VEGFA: variants seen among roughly 807,000 people sequenced by gnomAD.
VEGFA encodes vascular endothelial growth factor A, also known as vascular endothelial growth factor A, long form.
A neutral mutation model predicts 49.7 loss-of-function variants in VEGFA; 20 were observed. The observed-to-expected ratio is 0.40, with a 90% CI of 0.28 to 0.58. VEGFA has a LOEUF of 0.58. Among genes scored for constraint, VEGFA ranks in the 20% least tolerant of loss-of-function variants. The probability of loss-of-function intolerance (pLI) is 0.40; values close to 1 mark genes in which losing one functional copy is unlikely to be tolerated. For synonymous variants in VEGFA, 219 were observed against 223.4 expected (o/e 0.98, Z 0.18); for missense variants, 505 against 553.5 (o/e 0.91, Z 0.88).
Position 43,777,460 on chromosome 6 carries a change from C to T in VEGFA, c.659-9C>T. On this transcript the variant is annotated splice_polypyrimidine_tract_variant and intron_variant, in intron 2 of 7. Transcript: ENST00000672860. The surrounding 1 kb of genome is among the most constrained non-coding windows in gnomAD (Gnocchi z 4.3). Reference sequence around the variant, plus strand: ...CCACCGGGCTCATGTGTCATCGCCTCTCATGCAGTGGTGAAGTTCATGGAT... The same window carrying T: ...CCACCGGGCTCATGTGTCATCGCCTTTCATGCAGTGGTGAAGTTCATGGAT... 6.2e-7 allele frequency: 1 copy of T among 1,613,828 alleles called. No individual in the cohort carries two copies. The highest frequency in any genetic ancestry group is 1.1e-5 in the South Asian group (1 of 91,068).
At chr6:43,772,392 T>A (rs1036917737) in intron 1 of VEGFA, among the ~76,000 whole-genome samples, 2 of 152,214 alleles carry the variant, frequency 1.3e-5, no homozygotes, top group Admixed American at 6.5e-5. Context: ...AAGTCCCGAC[T>A]TGGTGACAGT....
intron 5 of VEGFA, chr6:43,779,691 A>G (rs766672447): frequency 2.1e-6 from 1 of 469,852 alleles, no homozygotes; most frequent in Non-Finnish European, 4.3e-6. Context: ...CTCTTCCCTC[A>G]GCTCCCAGCT....
Position 43,777,693 on chromosome 6 carries a change from G to T in VEGFA, c.855+28G>T. Reference sequence around the variant, plus strand: ...GGGCATCTTTGGGAAGTGGGGCAAGGGGGGGATAGGGAGGGGGGTAACACT... The same window carrying T: ...GGGCATCTTTGGGAAGTGGGGCAAGTGGGGGATAGGGAGGGGGGTAACACT... On this transcript the variant is annotated intron_variant, in intron 3 of 7. Coordinates refer to ENST00000672860, the MANE Select transcript of VEGFA (RefSeq NM_003376.6). The surrounding 1 kb of genome is among the most constrained non-coding windows in gnomAD (Gnocchi z 4.3). 3 of 1,394,450 alleles carry T rather than the reference G, an allele frequency of 2.2e-6. No individual in the cohort carries two copies. Among genetic ancestry groups the T allele is most frequent in the Middle Eastern group, 1.9e-4 (1 of 5,232 alleles). The allele number at this position is 1,394,450 out of a possible 1,614,324, so 86.4% of individuals were successfully genotyped here.
intron 5 of VEGFA, 43 bp from the exon 6 acceptor site, chr6:43,780,689 A>ACCCCCC: frequency 3.2e-6 from 4 of 1,239,006 alleles, no homozygotes; most frequent in African/African-American, 2.2e-5. Flanking sequence ...TACTCCCCCC[A>ACCCCCC]CCGCCCCCGC....
At chr6:43,774,786 C>G in intron 2 of VEGFA, 1 of 343,396 alleles carries the variant, frequency 2.9e-6, no homozygotes, top group South Asian at 3.3e-5. Context: ...TTTGTGGGAA[C>G]TGTGACCCTT....
At chr6:43,778,753 T>C (rs1766310198) in intron 4 of VEGFA, 136 bp from the exon 5 acceptor site, 1 of 1,087,066 alleles carries the variant, frequency 9.2e-7, no homozygotes, top group Non-Finnish European at 1.4e-6. Context: ...AAGTTATATA[T>C]GAAAAGATTA....
In VEGFA at chr6:43,777,434, C is replaced by A. The variant is rs568779287; in HGVS notation, c.659-35C>A. 3.7e-6 allele frequency: 6 copies of A among 1,612,174 alleles called. No homozygotes were observed. The highest frequency in any genetic ancestry group is 1.1e-5 in the South Asian group (1 of 90,966). ...GAGGGGCTAGCCATCTTTTGTGTCG[C>A]CCACCGGGCTCATGTGTCATCGCCT... On this transcript the variant is annotated intron_variant, in intron 2 of 7. Coordinates refer to ENST00000672860, the MANE Select transcript of VEGFA (RefSeq NM_003376.6). The surrounding 1 kb of genome is among the most constrained non-coding windows in gnomAD (Gnocchi z 4.3).
At chr6:43,782,513 G>T in intron 7 of VEGFA, 1 of 300,418 alleles carries the variant, frequency 3.3e-6, no homozygotes, top group Non-Finnish European at 6.5e-6. Flanking sequence ...CTCTCGCTGG[G>T]GCCTTGCCTC....
At chr6:43,780,672 C>T (rs1278705253) in intron 5 of VEGFA, 60 bp from the exon 6 acceptor site, 3 of 1,574,782 alleles carry the variant, frequency 1.9e-6, no homozygotes, top group African/African-American at 2.7e-5. Flanking sequence ...CACCTTACCA[C>T]TTCTTTTACT....
At chr6:43,784,003 G>A (rs751312051) in intron 7 of VEGFA, 22 of 185,274 alleles carry the variant, frequency 1.2e-4, no homozygotes, top group Admixed American at 3.2e-4. Flanking sequence ...CTACCCCCTC[G>A]GGAGCCTCCT....
rs902297785 is a variant in VEGFA, at chr6:43,771,448, C to A, written c.606+136C>A. Reference sequence around the variant, plus strand: ...GGCACCAGGCGTGCGGCGTCCCCCTCTGTCGTCTTAGGTGCAGGGGGAGGG... The same window carrying A: ...GGCACCAGGCGTGCGGCGTCCCCCTATGTCGTCTTAGGTGCAGGGGGAGGG... On this transcript the variant is annotated intron_variant, in intron 1 of 7. Coordinates refer to ENST00000672860, the MANE Select transcript of VEGFA (RefSeq NM_003376.6). 13 of 944,816 alleles carry A rather than the reference C, an allele frequency of 1.4e-5. No individual in the cohort carries two copies. In the African/African-American group the frequency reaches 2.1e-4, roughly 15 times the overall value. The allele number at this position is 944,816 out of a possible 1,614,324, so 58.5% of individuals were successfully genotyped here.
At chr6:43,780,826 C>T (rs1486260471) in intron 6 of VEGFA, 23 bp downstream of exon 6, 2 of 1,613,946 alleles carry the variant, frequency 1.2e-6, no homozygotes, top group South Asian at 2.2e-5. Context: ...CCGCTGCTGT[C>T]TAATGCCCTG....
chr6:43,778,173 G>C (rs1366890606), intron 3 of VEGFA: 1 of 542,612 alleles, frequency 1.8e-6, no homozygotes, highest in Non-Finnish European at 3.3e-6. Flanking sequence ...AAGGGGAGGG[G>C]ATGGGGAGTG....
chr6:43,783,976 G>A (rs564614624), intron 7 of VEGFA: 3 of 169,990 alleles, frequency 1.8e-5, no homozygotes, highest in Non-Finnish European at 3.9e-5. Flanking sequence ...CACCTTCCTG[G>A]GGCCTCCTGC....
intron 2 of VEGFA, chr6:43,775,688 CT>C (rs1765166175): frequency 6.6e-6 from 1 of 152,276 alleles, no homozygotes; most frequent in African/African-American, 2.4e-5. Context: ...ATCTTCTCCC[CT>C]ATCGACTTGG....
chr6:43,771,666 C>T (rs1763614218), intron 1 of VEGFA, among the ~76,000 whole-genome samples: 1 of 152,040 alleles, frequency 6.6e-6, no homozygotes, highest in Admixed American at 6.5e-5. Flanking sequence ...TGGTCCCGGA[C>T]GAACTGGAAG....
chr6:43,775,307 G>A (rs1765016466), intron 2 of VEGFA: 1 of 137,018 alleles, frequency 7.3e-6, no homozygotes, highest in Admixed American at 7.2e-5. Context: ...TCTCTGGTCT[G>A]GGAGAGGCAG....
rs1365870812 is a variant in VEGFA at position 43,777,309 on chromosome 6, G to A, written c.659-160G>A. 1.3e-5 allele frequency: 10 copies of A among 761,918 alleles called. No individual in the cohort carries two copies. In the East Asian group the frequency reaches 1.9e-4, roughly 14 times the overall value. The allele number at this position is 761,918 out of a possible 1,614,324, so 47.2% of individuals were successfully genotyped here. The stretch of plus-strand genomic sequence containing the variant: ...CAGTGTTGATGGTGGAAAGCTTAGG[G>A]AAGTGCTTCAAACACAGTAGGAGGG... On this transcript the variant is annotated intron_variant, in intron 2 of 7. Transcript: ENST00000672860. This position sits in a 1 kb window ranked among gnomAD's most constrained non-coding sequence, Gnocchi z 4.3.
rs757243633 is a variant in VEGFA, at chr6:43,782,099, G to C, written c.1166+12G>C. On this transcript the variant is annotated intron_variant, in intron 7 of 7. Transcript: ENST00000672860. ...GAACGTACTTGCAGGTTGGTTCCCA[G>C]AGGGCAAGCAAGTCAGAGAGGGGCA... 6.2e-7 allele frequency: 1 copy of C among 1,613,320 alleles called. No individual in the cohort carries two copies. Among genetic ancestry groups the C allele is most frequent in the East Asian group, 2.2e-5 (1 of 44,876 alleles).
Sources: gnomAD v4.1 joint callset for allele counts (sites outside exome capture counted in the v4.1 genomes callset) on GRCh38, gnomAD v4.1.1 for gene constraint, Gnocchi (gnomAD v3.1) non-coding constraint, MANE v1.5 for transcripts, NCBI Gene and HGNC (gene_info 2026-07-23, HGNC 2026-07-21) for gene names.